MVP: variants seen among roughly 807,000 people sequenced by gnomAD.
MVP encodes lung resistance-related protein.
MVP carries 62 observed loss-of-function variants against 83.5 expected under a neutral mutation model. The ratio of observed to expected loss-of-function variants is 0.74; its 90% CI spans 0.61 to 0.92. MVP has a LOEUF of 0.92. Among genes scored for constraint, MVP ranks in the 40% least tolerant of loss-of-function variants. MVP has a pLI of 0.00. For synonymous variants in MVP, 505 were observed against 504.1 expected (o/e 1.00, Z -0.02); for missense variants, 1,000 against 1,203.4 (o/e 0.83, Z 2.50).
chr16:29,826,989 CT>C (rs1459832567), intron 1 of MVP, among the ~76,000 whole-genome samples: 1 of 151,446 alleles, frequency 6.6e-6, no homozygotes, highest in Non-Finnish European at 1.5e-5. Flanking sequence ...AGGAAGTCGT[CT>C]TTCCAGAACA....
chr16:29,824,303 C>T (rs1298301186), intron 1 of MVP, among the ~76,000 whole-genome samples: 1 of 149,970 alleles, frequency 6.7e-6, no homozygotes, highest in Non-Finnish European at 1.5e-5. Context: ...CAGAGCTGCT[C>T]AGACTGTAAT....
intron 1 of MVP, among the ~76,000 whole-genome samples, chr16:29,828,029 T>C (rs1490566669): frequency 1.4e-4 from 22 of 152,038 alleles, no homozygotes; most frequent in Non-Finnish European, 2.9e-4. Context: ...GGCGAGATCT[T>C]GGCTCACTGC....
chr16:29,836,387 C>T (rs1002501085), intron 6 of MVP, among the ~76,000 whole-genome samples: 1 of 151,678 alleles, frequency 6.6e-6, no homozygotes, highest in African/African-American at 2.4e-5. Flanking sequence ...CAAACCTGGC[C>T]AACATGGCGA....
Position 29,829,073 on chromosome 16 carries a change from C to CTT in MVP, c.-35-1425_-35-1424dup, listed in dbSNP as rs36101620. ...AGATGGTGGAATTGATGAGGAACCA[C>CTT]TTTTTTTTTTTTTTTTTTGAGATGG... On this transcript the variant is annotated intron_variant, in intron 1 of 14. Transcript: ENST00000357402. Among the ~76,000 whole-genome samples the CTT allele has an allele frequency of 5.6e-3, 724 of 128,306 alleles. 19 individuals are homozygous for CTT. The highest frequency in any genetic ancestry group is 0.018 in the African/African-American group (598 of 33,026). 84.2% of individuals were successfully genotyped at this position (128,306 alleles called of 152,430 possible). A position where few individuals can be genotyped will look rare whatever the true frequency, so the allele number is the denominator to read the frequency against.
Position 29,831,073 on chromosome 16 carries a change from G to C in MVP, c.321G>C (p.Lys107Asn), listed in dbSNP as rs1311310093. The C allele has an allele frequency of 1.9e-6, 3 of 1,610,306 alleles. No individual in the cohort carries two copies. The African/African-American group carries it at 4.0e-5, about 22-fold the overall frequency. ...TGTACCCAGGGGAGGTGCTGGAAAA[G>C]GTACCTGGTTTCCTCACTCCCTATG... ...FPLYPGEVLEKDITPLQVVLP... is the reference protein window; with the variant it reads ...FPLYPGEVLENDITPLQVVLP... The change falls in exon 3 of 15, where the codon AAG (lysine) becomes AAC (asparagine). Residue 107 changes from lysine (K) to asparagine (N), a missense_variant and splice_region_variant. By Grantham distance (94) the Lys-to-Asn change is moderately conservative. Coordinates refer to ENST00000357402, the MANE Select transcript of MVP (RefSeq NM_005115.5).
At chr16:29,833,692 C>G in intron 3 of MVP, 41 bp from the exon 4 acceptor site, 1 of 1,612,350 alleles carries the variant, frequency 6.2e-7, no homozygotes, top group Non-Finnish European at 8.5e-7. Context: ...CCTGGGGTCA[C>G]AGCACTGATG....
intron 1 of MVP, among the ~76,000 whole-genome samples, chr16:29,827,933 T>C (rs1349618793): frequency 6.6e-6 from 1 of 152,214 alleles, no homozygotes; most frequent in African/African-American, 2.4e-5. Flanking sequence ...ATTTAAAAAT[T>C]TAGTTCCTCA....
At chr16:29,830,857 C>G in intron 2 of MVP, 21 bp from the exon 3 acceptor site, 1 of 1,603,748 alleles carries the variant, frequency 6.2e-7, no homozygotes, top group Non-Finnish European at 8.5e-7. Flanking sequence ...GGTCCTCACA[C>G]CTCTTCTCAT....
Position 29,846,158 on chromosome 16 carries a change from C to T in MVP, c.2139C>T (p.Ser713=), listed in dbSNP as rs371613615. ...RKELLELEAL[S]MAVESTGTAK... is the part of the protein sequence containing the mutation. ...TTACCTGACTCTGCCTTCTCCCCAGCATGGCCGTGGAGAGCACCGGGACTG... is the reference window on the plus strand; with the variant it reads ...TTACCTGACTCTGCCTTCTCCCCAGTATGGCCGTGGAGAGCACCGGGACTG... The change falls in exon 13 of 15, where the codon AGC becomes AGT. Residue 713 remains serine (S), a splice_region_variant and synonymous_variant. Transcript: ENST00000357402. 22 of 1,609,738 alleles carry T rather than the reference C, an allele frequency of 1.4e-5. No homozygotes were observed. In the East Asian group the frequency reaches 4.7e-4, roughly 34 times the overall value.
chr16:29,821,670 T>C (rs1381199282), intron 1 of MVP, among the ~76,000 whole-genome samples: 1 of 152,230 alleles, frequency 6.6e-6, no homozygotes, highest in Non-Finnish European at 1.5e-5. Flanking sequence ...TCTACAGTTA[T>C]AGCCAGGTTG....
intron 7 of MVP, among the ~76,000 whole-genome samples, chr16:29,839,783 CAA>C (rs71373206): frequency 1.1e-4 from 5 of 47,374 alleles, no homozygotes; most frequent in African/African-American, 9.6e-5. Flanking sequence ...AAGACTATCT[CAA>C]AAAAAAAAAA....
chr16:29,837,657 G>T (rs2150756388), intron 7 of MVP, among the ~76,000 whole-genome samples: 1 of 152,124 alleles, frequency 6.6e-6, no homozygotes, highest in Non-Finnish European at 1.5e-5. Flanking sequence ...GGGAGGCTGA[G>T]GCACGAGAAT....
Position 29,830,037 on chromosome 16 carries a change from T to C in MVP, c.-35-478T>C, listed in dbSNP as rs184320094. On this transcript the variant is annotated intron_variant, in intron 1 of 14. Transcript: ENST00000357402. ...GAATACAGCTGGGGCCTCAGGATTC[T>C]CTGAAATAAAGGGCTGCCTCCCTCT... The C allele has an allele frequency of 2.0e-3, 304 of 155,808 alleles. 1 individual carries two copies. The highest frequency in any genetic ancestry group is 3.1e-3 in the Non-Finnish European group (215 of 69,958). 9.7% of individuals were successfully genotyped at this position (155,808 alleles called of 1,614,324 possible).
At chr16:29,833,574 T>G in intron 3 of MVP, 159 bp from the exon 4 acceptor site, 1 of 896,588 alleles carries the variant, frequency 1.1e-6, no homozygotes, top group Non-Finnish European at 1.6e-6. Flanking sequence ...TCTCCCAAAG[T>G]TCTGGGATGA....
intron 3 of MVP, chr16:29,831,776 G>A (rs2067444126): frequency 2.2e-6 from 1 of 454,382 alleles, no homozygotes; most frequent in East Asian, 7.0e-5. Context: ...CAGGCCCCAG[G>A]CTGTGCCTGT....
intron 3 of MVP, chr16:29,833,478 T>TC: frequency 3.8e-6 from 1 of 263,660 alleles, no homozygotes; most frequent in South Asian, 5.6e-5. Flanking sequence ...CTTTTTTTTT[T>TC]TTTTTTTTTT....
intron 1 of MVP, chr16:29,829,555 C>T (rs2067426949): frequency 7.1e-6 from 1 of 140,810 alleles, no homozygotes; most frequent in African/African-American, 2.5e-5. Flanking sequence ...CTCAAAGGGA[C>T]ATGTCCAAAG....
chr16:29,820,460 G>A (rs1900346762), upstream of MVP: 1 of 151,274 alleles, frequency 6.6e-6, no homozygotes, highest in Non-Finnish European at 1.5e-5. Context: ...CCAAGGCAGG[G>A]TGAGAGTTCC....
At position 29,831,054 on chromosome 16, in the gene MVP, C is replaced by T. The variant is rs747754903; in HGVS notation, c.302C>T (p.Pro101Leu). ...RLAQDPFPLYPGEVLEKDITP... is the reference protein window; with the variant it reads ...RLAQDPFPLYLGEVLEKDITP... Reference sequence around the variant, plus strand: ...GCCCAGGACCCCTTCCCCCTGTACCCAGGGGAGGTGCTGGAAAAGGTACCT... The same window carrying T: ...GCCCAGGACCCCTTCCCCCTGTACCTAGGGGAGGTGCTGGAAAAGGTACCT... Residue 101 changes from proline to leucine, a missense_variant, in exon 3 of 15, where the codon CCA becomes CTA. Transcript: ENST00000357402. 6.2e-7 allele frequency: 1 copy of T among 1,612,824 alleles called. No homozygotes were observed. Among genetic ancestry groups the T allele is most frequent in the Admixed American group, 1.7e-5 (1 of 59,994 alleles).
Sources: allele counts gnomAD v4.1 joint callset (sites outside exome capture counted in the v4.1 genomes callset), GRCh38; gene constraint gnomAD v4.1.1; transcripts MANE v1.5; gene names NCBI Gene and HGNC (gene_info 2026-07-23, HGNC 2026-07-21).